CBFA2T2: variants seen among roughly 807,000 people sequenced by gnomAD.
The protein encoded by CBFA2T2 is CBFA2/RUNX1 partner transcriptional co-repressor 2.
A neutral mutation model predicts 62.2 loss-of-function variants in CBFA2T2; 11 were observed. The ratio of observed to expected loss-of-function variants is 0.18; its 90% CI spans 0.11 to 0.29. CBFA2T2 has a LOEUF of 0.29. Among genes scored for constraint, CBFA2T2 ranks in the 10% least tolerant of loss-of-function variants. The pLI is 1.00. For missense variants in CBFA2T2, 592 were observed against 774.1 expected (o/e 0.76, Z 2.79); for synonymous variants, 295 against 287.5 (o/e 1.03, Z -0.27).
At chr20:33,514,814 G>A (rs947006609) in intron 1 of CBFA2T2, among the ~76,000 whole-genome samples, 2 of 151,444 alleles carry the variant, frequency 1.3e-5, no homozygotes, top group Non-Finnish European at 2.9e-5. Flanking sequence ...CTCCTGCCTC[G>A]GCCTCCCGAG....
At position 33,583,981 on chromosome 20, in the gene CBFA2T2, T is replaced by C. The variant is rs373045083; in HGVS notation, c.35-22975T>C. On this transcript the variant is annotated intron_variant, in intron 1 of 10. Coordinates refer to ENST00000342704, the MANE Select transcript of CBFA2T2 (RefSeq NM_001032999.3). ...TTATTTATTTGAGACAGAATCTTGC[T>C]TTGTTCCCTAGGCTGGAGTGCGGTG... Among the ~76,000 whole-genome samples, 9 of 152,276 alleles carry C rather than the reference T, an allele frequency of 5.9e-5. 2 individuals are homozygous for C. Among genetic ancestry groups the C allele is most frequent in the Admixed American group, 6.5e-5 (1 of 15,274 alleles).
intron 1 of CBFA2T2, among the ~76,000 whole-genome samples, chr20:33,515,373 T>C (rs1305122349): frequency 1.8e-5 from 2 of 109,682 alleles, no homozygotes; most frequent in Non-Finnish European, 4.0e-5. Context: ...AAAAAAAAAG[T>C]GTGGCACTGC....
intron 1 of CBFA2T2, among the ~76,000 whole-genome samples, chr20:33,506,983 A>T (rs2011413972): frequency 6.6e-6 from 1 of 152,190 alleles, no homozygotes; most frequent in Non-Finnish European, 1.5e-5. Context: ...TGATTATGTG[A>T]ATGTCCCTTT....
intron 1 of CBFA2T2, among the ~76,000 whole-genome samples, chr20:33,513,484 C>T (rs1452111442): frequency 1.3e-5 from 2 of 151,708 alleles, no homozygotes; most frequent in African/African-American, 4.8e-5. Context: ...CTCAGCCTCC[C>T]AATTACAGCT....
At chr20:33,531,764 C>T (rs1278611852) in intron 1 of CBFA2T2, among the ~76,000 whole-genome samples, 1 of 152,184 alleles carries the variant, frequency 6.6e-6, no homozygotes, top group African/African-American at 2.4e-5. Context: ...ATTTGGAATT[C>T]CACTGCCTGT....
intron 1 of CBFA2T2, among the ~76,000 whole-genome samples, chr20:33,579,918 A>G (rs1337110979): frequency 6.6e-6 from 1 of 151,354 alleles, no homozygotes; most frequent in Non-Finnish European, 1.5e-5. Context: ...ATGTTCAAGC[A>G]ATTCTCCTGC....
chr20:33,498,825 C>T (rs1270916877), intron 1 of CBFA2T2, among the ~76,000 whole-genome samples: 1 of 151,696 alleles, frequency 6.6e-6, no homozygotes, highest in Admixed American at 6.6e-5. Flanking sequence ...GGCGGATCAC[C>T]TGAGGTCAGG....
chr20:33,601,368 G>A (rs1212290471), intron 1 of CBFA2T2, among the ~76,000 whole-genome samples: 10 of 152,058 alleles, frequency 6.6e-5, no homozygotes, highest in Non-Finnish European at 1.5e-4. Flanking sequence ...GTGTTCAAGC[G>A]GTTCTCCTGC....
chr20:33,643,423 A>T (rs2016923439), intron 10 of CBFA2T2, among the ~76,000 whole-genome samples: 1 of 152,040 alleles, frequency 6.6e-6, no homozygotes, highest in African/African-American at 2.4e-5. Flanking sequence ...AAGAAATTAA[A>T]GAATCAGCCA....
At chr20:33,513,875 G>A (rs1418641925) in intron 1 of CBFA2T2, among the ~76,000 whole-genome samples, 1 of 148,270 alleles carries the variant, frequency 6.7e-6, no homozygotes, top group African/African-American at 2.5e-5. Flanking sequence ...GTGTTGATAA[G>A]TACTTGCTGT....
intron 1 of CBFA2T2, among the ~76,000 whole-genome samples, chr20:33,570,584 G>T (rs1241812660): frequency 6.6e-6 from 1 of 152,204 alleles, no homozygotes; most frequent in African/African-American, 2.4e-5. Context: ...GCTAGTACAT[G>T]TTGGGAATGT....
chr20:33,593,468 C>A (rs563178192), intron 1 of CBFA2T2, among the ~76,000 whole-genome samples: 22 of 141,990 alleles, frequency 1.5e-4, no homozygotes, highest in Non-Finnish European at 2.4e-4. Flanking sequence ...TCTCAGCTCA[C>A]TGCAACCTTC....
intron 1 of CBFA2T2, among the ~76,000 whole-genome samples, chr20:33,591,467 C>CA (rs11475752): frequency 0.036 from 3,474 of 97,830 alleles, 96 homozygotes; most frequent in African/African-American, 0.086. Flanking sequence ...GAGTAAATCT[C>CA]AAAAAAAAAA....
chr20:33,496,395 A>G (rs1203439831), intron 1 of CBFA2T2, among the ~76,000 whole-genome samples: 1 of 152,254 alleles, frequency 6.6e-6, no homozygotes, highest in African/African-American at 2.4e-5. Flanking sequence ...TCTCTGGCAC[A>G]TACCTCATTC....
At chr20:33,519,020 C>T (rs1335720909) in intron 1 of CBFA2T2, among the ~76,000 whole-genome samples, 1 of 152,078 alleles carries the variant, frequency 6.6e-6, no homozygotes, top group African/African-American at 2.4e-5. Flanking sequence ...CGGGCTGTCT[C>T]AGTTTTCAAA....
chr20:33,542,612 A>G (rs558427766), intron 1 of CBFA2T2, among the ~76,000 whole-genome samples: 1 of 152,270 alleles, frequency 6.6e-6, no homozygotes, highest in East Asian at 1.9e-4. Context: ...AATAAACTCT[A>G]CAGAAATTGC....
intron 1 of CBFA2T2, among the ~76,000 whole-genome samples, chr20:33,584,410 C>T (rs1026935294): frequency 2.1e-4 from 32 of 151,754 alleles, no homozygotes; most frequent in African/African-American, 6.5e-4. Context: ...GGACTACAGG[C>T]GCCTGGCTAA....
At chr20:33,573,953 C>G (rs1008608947) in intron 1 of CBFA2T2, 1 of 426,044 alleles carries the variant, frequency 2.3e-6, no homozygotes, top group Non-Finnish European at 4.1e-6. Flanking sequence ...GCTAATTTTT[C>G]TTATTTTTTT....
At chr20:33,534,462 G>A (rs1488082376) in intron 1 of CBFA2T2, among the ~76,000 whole-genome samples, 5 of 151,994 alleles carry the variant, frequency 3.3e-5, no homozygotes, top group Admixed American at 1.3e-4. Context: ...ACAGGCACGC[G>A]CCACCACGCC....
Sources: gnomAD v4.1 joint callset for allele counts (sites outside exome capture counted in the v4.1 genomes callset) on GRCh38, gnomAD v4.1.1 for gene constraint, MANE v1.5 for transcripts, NCBI Gene and HGNC (gene_info 2026-07-23, HGNC 2026-07-21) for gene names.